Variants in GLRA2 observed in about 807,000 individuals in gnomAD.
The protein encoded by GLRA2 is glycine receptor alpha 2.
Under a neutral mutation model 31.6 loss-of-function variants are expected in GLRA2, and 11 were observed. The ratio of observed to expected loss-of-function variants is 0.35; its 90% CI spans 0.22 to 0.58. GLRA2 has a LOEUF of 0.58. Among genes scored for constraint, GLRA2 ranks in the 20% least tolerant of loss-of-function variants. The probability of loss-of-function intolerance (pLI) is 0.84; values close to 1 mark genes in which losing one functional copy is unlikely to be tolerated. For synonymous variants in GLRA2, 132 were observed against 134.0 expected (o/e 0.99, Z 0.10); for missense variants, 212 against 351.8 (o/e 0.60, Z 3.18).
At chrX:14,718,271 C>G (rs1257759762) in intron 8 of GLRA2, among the ~76,000 whole-genome samples, 1 of 111,848 alleles carries the variant, frequency 8.9e-6, no homozygotes, top group African/African-American at 3.2e-5. Flanking sequence ...TGTACTTAGA[C>G]TGGCATTTTT....
intron 8 of GLRA2, among the ~76,000 whole-genome samples, chrX:14,699,629 G>A (rs562027274): frequency 5.4e-5 from 6 of 111,402 alleles, no homozygotes; most frequent in African/African-American, 2.0e-4. Context: ...TATCATTAAC[G>A]ATTTTCACCC....
At chrX:14,579,355 A>T (rs1485904392) in intron 3 of GLRA2, among the ~76,000 whole-genome samples, 1 of 107,343 alleles carries the variant, frequency 9.3e-6, no homozygotes, top group South Asian at 4.2e-4. Flanking sequence ...TTTTTAATGG[A>T]GTCTCCCTCT....
chrX:14,602,575 C>T (rs777257273), intron 4 of GLRA2, among the ~76,000 whole-genome samples: 14 of 110,767 alleles, frequency 1.3e-4, no homozygotes, highest in African/African-American at 4.6e-4. Context: ...TATCCCTCAC[C>T]TCCTTCCCAC....
At chrX:14,726,769 C>T (rs750247532) in intron 8 of GLRA2, among the ~76,000 whole-genome samples, 1 of 112,421 alleles carries the variant, frequency 8.9e-6, no homozygotes, top group Non-Finnish European at 1.9e-5. Flanking sequence ...ATGAATGAGT[C>T]AATCTGAAAA....
intron 8 of GLRA2, among the ~76,000 whole-genome samples, chrX:14,708,957 A>G (rs1271191715): frequency 9.4e-6 from 1 of 106,654 alleles, no homozygotes; most frequent in East Asian, 2.8e-4. Context: ...GAAAAAAAAA[A>G]GAGAGAGAGA....
intron 7 of GLRA2, among the ~76,000 whole-genome samples, chrX:14,684,109 A>G (rs2091247901): frequency 9.0e-6 from 1 of 111,486 alleles, no homozygotes; most frequent in Non-Finnish European, 1.9e-5. Context: ...CAGGTTTGTC[A>G]AAGATCAGAT....
intron 7 of GLRA2, among the ~76,000 whole-genome samples, chrX:14,685,382 G>T (rs1217885740): frequency 8.9e-6 from 1 of 111,876 alleles, no homozygotes; most frequent in Non-Finnish European, 1.9e-5. Flanking sequence ...AATAGTTTCA[G>T]AAAGAATGGT....
At chrX:14,623,134 G>C (rs1376305876) in intron 7 of GLRA2, among the ~76,000 whole-genome samples, 1 of 111,397 alleles carries the variant, frequency 9.0e-6, no homozygotes, top group African/African-American at 3.3e-5. Context: ...GTTCACTCAC[G>C]ATTTTGCTCT....
Position 14,690,870 on chromosome X carries a change from C to T in GLRA2, c.1080+11C>T. ...AAGAGGCAGAATAAGGTATGATTGC[C>T]CCTCAGTTCAGACAATGTAGAGCTT... On this transcript the variant is annotated intron_variant, in intron 8 of 8. Transcript: ENST00000218075. 8.3e-7 allele frequency: 1 copy of T among 1,207,092 alleles called. No homozygotes were observed. Among genetic ancestry groups the T allele is most frequent in the Non-Finnish European group, 1.1e-6 (1 of 891,921 alleles).
chrX:14,542,553 A>ATCT (rs2089419954), intron 2 of GLRA2, among the ~76,000 whole-genome samples: 1 of 110,341 alleles, frequency 9.1e-6, no homozygotes, highest in East Asian at 2.9e-4. Flanking sequence ...ATCAGTTAGC[A>ATCT]TCTGTGAACT....
intron 7 of GLRA2, among the ~76,000 whole-genome samples, chrX:14,673,711 G>T (rs2091116040): frequency 8.9e-6 from 1 of 112,220 alleles, no homozygotes; most frequent in African/African-American, 3.2e-5. Flanking sequence ...TTCCTTGCTT[G>T]TAAGTATGAA....
At chrX:14,511,157 A>G in the GLRA2 span, among the ~76,000 whole-genome samples, 1 of 112,020 alleles carries the variant, frequency 8.9e-6, no homozygotes, top group Non-Finnish European at 1.9e-5. Context: ...GTATTTAGCA[A>G]AAACCTGATT....
intron 2 of GLRA2, among the ~76,000 whole-genome samples, chrX:14,561,013 A>G (rs2089725483): frequency 9.0e-6 from 1 of 111,165 alleles, no homozygotes. Flanking sequence ...TGAGCGATGT[A>G]AGTCATTATA....
chrX:14,545,449 C>T (rs769598013), intron 2 of GLRA2, among the ~76,000 whole-genome samples: 39 of 111,303 alleles, frequency 3.5e-4, no homozygotes, highest in African/African-American at 1.1e-3. Context: ...ATGACCTAAT[C>T]ATCTCTTAGA....
chrX:14,630,835 C>A (rs1291034710), intron 7 of GLRA2, among the ~76,000 whole-genome samples: 1 of 95,233 alleles, frequency 1.1e-5, no homozygotes, highest in Non-Finnish European at 2.1e-5. Flanking sequence ...ACCTTAAGTT[C>A]TAGGGTACAT....
intron 7 of GLRA2, among the ~76,000 whole-genome samples, chrX:14,653,238 G>GA (rs938143357): frequency 2.7e-4 from 30 of 111,503 alleles, no homozygotes; most frequent in African/African-American, 9.1e-4. Context: ...TTTAAAAAAT[G>GA]AATTTCATAA....
At chrX:14,653,581 G>A (rs1376699570) in intron 7 of GLRA2, among the ~76,000 whole-genome samples, 1 of 112,151 alleles carries the variant, frequency 8.9e-6, no homozygotes, top group Non-Finnish European at 1.9e-5. Context: ...ATGAAGAAAG[G>A]AAGTGGTTTC....
chrX:14,665,905 C>A (rs1264651015), intron 7 of GLRA2, among the ~76,000 whole-genome samples: 1 of 112,157 alleles, frequency 8.9e-6, no homozygotes, highest in African/African-American at 3.2e-5. Flanking sequence ...AAGAATCTAG[C>A]TCCAGGCTTG....
At chrX:14,460,595 A>C in the GLRA2 span, among the ~76,000 whole-genome samples, 18 of 111,627 alleles carry the variant, frequency 1.6e-4, no homozygotes, top group Non-Finnish European at 3.0e-4. Flanking sequence ...GGGAGGGTGT[A>C]TGTGCCCAGG....
Sources: gnomAD v4.1 joint callset for allele counts (sites outside exome capture counted in the v4.1 genomes callset) on GRCh38, gnomAD v4.1.1 for gene constraint, MANE v1.5 for transcripts, NCBI Gene and HGNC (gene_info 2026-07-23, HGNC 2026-07-21) for gene names.